RNF150: variants seen among roughly 807,000 people sequenced by gnomAD.
RNF150 encodes the protein ring finger protein 150.
A neutral mutation model predicts 39.3 loss-of-function variants in RNF150; 24 were observed. The observed-to-expected ratio is 0.61, with a 90% confidence interval of 0.44 to 0.86. The LOEUF is 0.86. Ranked by LOEUF, RNF150 falls within the 40% of genes least tolerant of loss-of-function variation. The pLI, the probability that RNF150 is intolerant of heterozygous loss-of-function variation, is 0.00. For missense variants in RNF150, 502 were observed against 587.8 expected, an observed-to-expected ratio of 0.85 and a Z score of 1.51; for synonymous variants, 255 against 227.3, an observed-to-expected ratio of 1.12 and a Z score of -1.10.
At chr4:141,017,637 G>C (rs552236109) in intron 1 of RNF150, among the ~76,000 whole-genome samples, 11 of 152,070 alleles carry the variant, frequency 7.2e-5, no homozygotes, top group African/African-American at 2.7e-4. Flanking sequence ...AAGATCCTTT[G>C]CCCTCTATTT....
At chr4:141,184,496 C>A (rs900497364) in intron 1 of RNF150, among the ~76,000 whole-genome samples, 3 of 152,240 alleles carry the variant, frequency 2.0e-5, no homozygotes, top group East Asian at 3.9e-4. Context: ...TGCAGAAGTT[C>A]TTTGGTTTAA....
intron 1 of RNF150, among the ~76,000 whole-genome samples, chr4:141,211,656 A>G (rs1728467909): frequency 6.7e-6 from 1 of 148,234 alleles, no homozygotes; most frequent in Non-Finnish European, 1.5e-5. Flanking sequence ...TCCCTTAACT[A>G]TTTCATTTAT....
chr4:141,099,898 T>C (rs1738946879), intron 1 of RNF150, among the ~76,000 whole-genome samples: 1 of 152,186 alleles, frequency 6.6e-6, no homozygotes, highest in South Asian at 2.1e-4. Flanking sequence ...CATTAAATGA[T>C]ACTGTGATTG....
intron 1 of RNF150, among the ~76,000 whole-genome samples, chr4:140,978,617 GAATT>G (rs1214031139): frequency 2.0e-5 from 3 of 152,032 alleles, no homozygotes; most frequent in South Asian, 2.1e-4. Context: ...GATGAATACA[GAATT>G]ATTTATTGAA....
At chr4:140,925,673 T>C (rs1731371182) in intron 5 of RNF150, among the ~76,000 whole-genome samples, 1 of 152,100 alleles carries the variant, frequency 6.6e-6, no homozygotes, top group Non-Finnish European at 1.5e-5. Context: ...CCGGGGTGTA[T>C]CTGCTGCCGT....
intron 1 of RNF150, among the ~76,000 whole-genome samples, chr4:140,973,874 TAAAAAAAA>T (rs566506401): frequency 8.1e-5 from 9 of 110,540 alleles, no homozygotes; most frequent in African/African-American, 2.1e-4. Context: ...AGACTCTGTT[TAAAAAAAA>T]AAAAAAAAAA....
chr4:141,121,594 T>A (rs533050747), intron 1 of RNF150, among the ~76,000 whole-genome samples: 8 of 152,318 alleles, frequency 5.3e-5, no homozygotes, highest in Admixed American at 5.2e-4. Context: ...CGTATTATTC[T>A]TGACTGTTTT....
chr4:140,889,538 C>A (rs1294031051), intron 6 of RNF150, among the ~76,000 whole-genome samples: 1 of 152,290 alleles, frequency 6.6e-6, no homozygotes, highest in East Asian at 1.9e-4. Flanking sequence ...GGGTTTGGTA[C>A]CTCTTTAAAA....
intron 4 of RNF150, among the ~76,000 whole-genome samples, chr4:140,933,322 C>T (rs1314488692): frequency 6.6e-6 from 1 of 152,182 alleles, no homozygotes; most frequent in Non-Finnish European, 1.5e-5. Flanking sequence ...AAGGGATTTA[C>T]ATAACTCAAC....
intron 1 of RNF150, among the ~76,000 whole-genome samples, chr4:141,201,433 A>G (rs1211014695): frequency 6.6e-6 from 1 of 152,226 alleles, no homozygotes; most frequent in African/African-American, 2.4e-5. Context: ...GATTCTACAC[A>G]GACCAGGTAT....
chr4:140,994,735 G>A (rs1734308826), intron 1 of RNF150, among the ~76,000 whole-genome samples: 1 of 152,216 alleles, frequency 6.6e-6, no homozygotes, highest in African/African-American at 2.4e-5. Context: ...GCTCACTAGA[G>A]TAAAAGGCAG....
At chr4:141,131,282 A>G (rs1483240029) in intron 1 of RNF150, among the ~76,000 whole-genome samples, 1 of 152,260 alleles carries the variant, frequency 6.6e-6, no homozygotes, top group Non-Finnish European at 1.5e-5. Context: ...CAGAAAATGC[A>G]TCTGTCATTT....
chr4:141,184,721 T>C (rs1314947985), intron 1 of RNF150, among the ~76,000 whole-genome samples: 1 of 152,214 alleles, frequency 6.6e-6, no homozygotes, highest in Non-Finnish European at 1.5e-5. Flanking sequence ...TGTCTGCATA[T>C]AGCTAGTTAG....
At chr4:140,875,159 T>C (rs1374217278) in intron 6 of RNF150, among the ~76,000 whole-genome samples, 3 of 149,076 alleles carry the variant, frequency 2.0e-5, no homozygotes, top group African/African-American at 7.5e-5. Context: ...TTGACAATCA[T>C]TACGTTTTTT....
At chr4:141,105,380 CT>C (rs1228844894) in intron 1 of RNF150, among the ~76,000 whole-genome samples, 2 of 152,206 alleles carry the variant, frequency 1.3e-5, no homozygotes, top group Non-Finnish European at 2.9e-5. Context: ...GCACCTCAGC[CT>C]CTTGACCTCT....
In RNF150 at chr4:141,206,512, A is replaced by T. The variant is rs1160250177; in HGVS notation, c.-6+6282T>A. Among the ~76,000 whole-genome samples, 3 of 152,000 alleles carry T rather than the reference A, an allele frequency of 2.0e-5. No homozygotes were observed. In the East Asian group the frequency reaches 5.8e-4, roughly 29 times the overall value. On this transcript the variant is annotated intron_variant, in intron 1 of 7. Coordinates refer to the RNF150 transcript ENST00000420921. ...TCAAGGACAGGTCATAAAGCTTTCA[A>T]ATGAGGATGTCAATTTAAGAAAATA...
chr4:140,967,946 G>C, intron 1 of RNF150, 73 bp from the exon 2 acceptor site: 1 of 1,368,114 alleles, frequency 7.3e-7, no homozygotes, highest in Non-Finnish European at 1.0e-6. Flanking sequence ...TGAGATGTGT[G>C]GACACAGTAA....
chr4:140,982,763 C>A (rs544627027), intron 1 of RNF150, among the ~76,000 whole-genome samples: 3 of 152,192 alleles, frequency 2.0e-5, no homozygotes, highest in South Asian at 2.1e-4. Flanking sequence ...AAGACACATG[C>A]CTTTGCTTAT....
At chr4:141,020,162 G>C (rs1486399311) in intron 1 of RNF150, among the ~76,000 whole-genome samples, 1 of 150,722 alleles carries the variant, frequency 6.6e-6, no homozygotes, top group Non-Finnish European at 1.5e-5. Flanking sequence ...CATACATTTT[G>C]TAAGTTTCTC....
Sources: allele counts gnomAD v4.1 joint callset (sites outside exome capture counted in the v4.1 genomes callset), GRCh38; gene constraint gnomAD v4.1.1; transcripts MANE v1.5; gene names NCBI Gene and HGNC (gene_info 2026-07-23, HGNC 2026-07-21).